ROR2: variants seen among roughly 807,000 people sequenced by gnomAD.
The protein encoded by ROR2 is tyrosine-protein kinase transmembrane receptor ROR2.
In ROR2, 33 loss-of-function variants were observed where a neutral mutation model predicts 74.9. The ratio of observed to expected loss-of-function variants is 0.44; its 90% CI spans 0.33 to 0.59. ROR2 has a LOEUF of 0.59. ROR2 is among the 20% of genes least tolerant of loss of function. The probability of loss-of-function intolerance (pLI) is 0.02; values close to 1 mark genes in which losing one functional copy is unlikely to be tolerated. For missense variants in ROR2, 1,216 were observed against 1,313.8 expected, an observed-to-expected ratio of 0.93 and a Z score of 1.15; for synonymous variants, 586 against 558.7, an observed-to-expected ratio of 1.05 and a Z score of -0.69.
intron 8 of ROR2, among the ~76,000 whole-genome samples, chr9:91,725,779 C>A (rs1325850119): frequency 1.3e-5 from 2 of 152,122 alleles, no homozygotes; most frequent in East Asian, 1.9e-4. Context: ...GTGTGGCCAG[C>A]CCTCATCCTC....
chr9:91,819,276 C>T (rs965800377), intron 1 of ROR2, among the ~76,000 whole-genome samples: 6 of 152,242 alleles, frequency 3.9e-5, no homozygotes, highest in Non-Finnish European at 8.8e-5. Context: ...CCCCCACCCC[C>T]AGGCTCCTAG....
chr9:91,897,105 G>C (rs1462193009), intron 1 of ROR2, among the ~76,000 whole-genome samples: 1 of 152,250 alleles, frequency 6.6e-6, no homozygotes, highest in Non-Finnish European at 1.5e-5. Flanking sequence ...AAGTGCATAG[G>C]AAGCACGGGT....
chr9:91,761,481 C>T (rs983728161), intron 2 of ROR2, among the ~76,000 whole-genome samples: 3 of 152,102 alleles, frequency 2.0e-5, no homozygotes, highest in African/African-American at 7.2e-5. Flanking sequence ...AAGCGCACAC[C>T]CTAGATCCCT....
chr9:91,859,862 C>A (rs541401356), intron 1 of ROR2, among the ~76,000 whole-genome samples: 15 of 152,256 alleles, frequency 9.9e-5, no homozygotes, highest in Middle Eastern at 6.8e-3. Flanking sequence ...TGTGTTTCAG[C>A]CACAATAAGT....
intron 1 of ROR2, among the ~76,000 whole-genome samples, chr9:91,900,368 G>A (rs1830642348): frequency 6.6e-6 from 1 of 152,254 alleles, no homozygotes. Flanking sequence ...GACAGCGGCT[G>A]AGAGGCACAG....
At chr9:91,889,446 C>T (rs923658570) in intron 1 of ROR2, among the ~76,000 whole-genome samples, 47 of 152,302 alleles carry the variant, frequency 3.1e-4, no homozygotes, top group Middle Eastern at 3.4e-3. Context: ...GCATGCTAGA[C>T]GTGGTTGGGG....
chr9:91,909,330 G>A (rs1384478131), intron 1 of ROR2, among the ~76,000 whole-genome samples: 2 of 152,052 alleles, frequency 1.3e-5, no homozygotes, highest in Non-Finnish European at 2.9e-5. Flanking sequence ...CAGGAATGAA[G>A]ACCAAACCTG....
At chr9:91,800,843 A>G (rs1295950056) in intron 1 of ROR2, among the ~76,000 whole-genome samples, 1 of 152,226 alleles carries the variant, frequency 6.6e-6, no homozygotes, top group African/African-American at 2.4e-5. Flanking sequence ...GACAGCAAGG[A>G]GCCCTTCATG....
intron 1 of ROR2, among the ~76,000 whole-genome samples, chr9:91,901,825 G>GA (rs368777109): frequency 0.016 from 2,164 of 135,508 alleles, 64 homozygotes; most frequent in African/African-American, 0.053. Context: ...AGAGTGCTCT[G>GA]AAAAAAAAAA....
chr9:91,789,813 A>G (rs1306167343), intron 1 of ROR2, among the ~76,000 whole-genome samples: 1 of 152,248 alleles, frequency 6.6e-6, no homozygotes, highest in Non-Finnish European at 1.5e-5. Context: ...AAATGGTAGA[A>G]GTAAAGCGTA....
intron 1 of ROR2, among the ~76,000 whole-genome samples, chr9:91,921,908 C>T (rs561363229): frequency 2.6e-4 from 36 of 140,688 alleles, no homozygotes; most frequent in African/African-American, 9.2e-4. Context: ...AATAAAAAGA[C>T]AACCCAAGGT....
chr9:91,727,649 A>G (rs1255602942), intron 7 of ROR2, among the ~76,000 whole-genome samples: 1 of 152,170 alleles, frequency 6.6e-6, no homozygotes, highest in Non-Finnish European at 1.5e-5. Flanking sequence ...TGAGTTCTCT[A>G]GAGAGCCACT....
chr9:91,845,877 C>CA (rs5899143), intron 1 of ROR2, among the ~76,000 whole-genome samples: 3,621 of 33,828 alleles, frequency 0.11, 745 homozygotes, highest in Non-Finnish European at 0.15. Context: ...GAATCCATCT[C>CA]AAAAAAAAAA....
intron 1 of ROR2, among the ~76,000 whole-genome samples, chr9:91,911,736 T>C (rs1285459716): frequency 6.6e-6 from 1 of 152,040 alleles, no homozygotes; most frequent in East Asian, 1.9e-4. Flanking sequence ...ACTCAAAGTA[T>C]CTTCTGGCAA....
intron 4 of ROR2, among the ~76,000 whole-genome samples, chr9:91,744,596 A>G (rs1005224326): frequency 6.6e-6 from 1 of 152,200 alleles, no homozygotes; most frequent in Admixed American, 6.5e-5. Flanking sequence ...CTCTGCTTCC[A>G]AAATGAAATA....
At chr9:91,793,029 TAGA>T (rs1827052025) in intron 1 of ROR2, among the ~76,000 whole-genome samples, 1 of 152,340 alleles carries the variant, frequency 6.6e-6, no homozygotes, top group South Asian at 2.1e-4. Flanking sequence ...AGTCTCTTCC[TAGA>T]AGAAGAGGGG....
At chr9:91,792,573 G>T (rs1827036218) in intron 1 of ROR2, among the ~76,000 whole-genome samples, 1 of 152,198 alleles carries the variant, frequency 6.6e-6, no homozygotes, top group Non-Finnish European at 1.5e-5. Context: ...CTCCCAAAGT[G>T]CTGGGATTAC....
At chr9:91,769,110 G>C (rs1354275867) in intron 2 of ROR2, among the ~76,000 whole-genome samples, 1 of 152,082 alleles carries the variant, frequency 6.6e-6, no homozygotes, top group Non-Finnish European at 1.5e-5. Flanking sequence ...CTGCTGACTT[G>C]GAACCTAAGA....
At chr9:91,904,021 T>G (rs537869004) in intron 1 of ROR2, among the ~76,000 whole-genome samples, 1 of 150,014 alleles carries the variant, frequency 6.7e-6, no homozygotes, top group East Asian at 2.0e-4. Flanking sequence ...TCCTTTTTTT[T>G]GATTTTTTGT....
Sources: gnomAD v4.1 joint callset for allele counts (sites outside exome capture counted in the v4.1 genomes callset) on GRCh38, gnomAD v4.1.1 for gene constraint, MANE v1.5 for transcripts, NCBI Gene and HGNC (gene_info 2026-07-23, HGNC 2026-07-21) for gene names.